RBM26: variants seen among roughly 807,000 people sequenced by gnomAD.
RBM26 encodes RNA-binding protein 26.
RBM26 carries 30 observed loss-of-function variants against 123.6 expected under a neutral mutation model. That is an observed-to-expected ratio of 0.24 (90% CI 0.18 to 0.33). The LOEUF is 0.33. Among genes scored for constraint, RBM26 ranks in the 10% least tolerant of loss-of-function variants. RBM26 has a pLI of 1.00. For synonymous variants in RBM26, 400 were observed against 404.4 expected, an observed-to-expected ratio of 0.99 and a Z score of 0.13; for missense variants, 947 against 1,203.6, an observed-to-expected ratio of 0.79 and a Z score of 3.15.
intron 1 of RBM26, among the ~76,000 whole-genome samples, chr13:79,394,404 T>C (rs2078375362): frequency 6.6e-6 from 1 of 152,180 alleles, no homozygotes; most frequent in African/African-American, 2.4e-5. Flanking sequence ...CTAAGTCCTC[T>C]AGAGGTTACT....
chr13:79,367,127 C>T (rs2075338188), intron 6 of RBM26, among the ~76,000 whole-genome samples: 2 of 152,010 alleles, frequency 1.3e-5, no homozygotes, highest in South Asian at 4.1e-4. Context: ...GACAATCTGG[C>T]TGGACGTGGT....
intron 1 of RBM26, among the ~76,000 whole-genome samples, chr13:79,397,129 C>T (rs574103959): frequency 6.6e-6 from 1 of 151,712 alleles, no homozygotes; most frequent in South Asian, 2.1e-4. Flanking sequence ...TGCAGTGAGT[C>T]GAGATTGCAC....
At position 79,331,318 on chromosome 13, in the gene RBM26, A is replaced by C. The variant is rs369168166; in HGVS notation, c.2820+3026T>G. 1.7e-4 allele frequency among the ~76,000 whole-genome samples: 26 copies of C among 151,894 alleles called. No homozygotes were observed. The South Asian group carries it at 5.2e-3, about 31-fold the overall frequency. ...TGCGCCTGGCCCCTCTTTCCTTTTG[A>C]TATAAAAAATTGTACCTCGCAGCCA... On this transcript the variant is annotated intron_variant, in intron 20 of 21. Coordinates refer to ENST00000438737, the MANE Select transcript of RBM26 (RefSeq NM_001366735.2).
At chr13:79,375,437 C>A (rs1287725986) in intron 3 of RBM26, among the ~76,000 whole-genome samples, 2 of 151,932 alleles carry the variant, frequency 1.3e-5, no homozygotes, top group African/African-American at 4.8e-5. Flanking sequence ...TCCCAAAGTG[C>A]TGGAATTACA....
intron 10 of RBM26, 70 bp from the exon 11 acceptor site, chr13:79,358,503 G>C: frequency 8.1e-7 from 1 of 1,237,534 alleles, no homozygotes; most frequent in Non-Finnish European, 1.1e-6. Context: ...AGGGAATAAA[G>C]TTTAACAAAA....
At chr13:79,403,421 A>C (rs2079220744) in intron 1 of RBM26, among the ~76,000 whole-genome samples, 1 of 152,190 alleles carries the variant, frequency 6.6e-6, no homozygotes, top group Admixed American at 6.5e-5. Context: ...GAAAAATTAC[A>C]AGCATACACT....
intron 7 of RBM26, 51 bp from the exon 8 acceptor site, chr13:79,366,246 C>G: frequency 6.4e-7 from 1 of 1,569,282 alleles, no homozygotes; most frequent in Non-Finnish European, 8.7e-7. Context: ...ACAAATAAAA[C>G]AAGTTATTGC....
chr13:79,372,010 G>A, intron 3 of RBM26, 80 bp from the exon 4 acceptor site: 1 of 1,038,980 alleles, frequency 9.6e-7, no homozygotes, highest in South Asian at 1.4e-5. Flanking sequence ...GCTGGGCACA[G>A]TGGTTCATGC....
At chr13:79,326,030 T>TA (rs2068356019) in intron 20 of RBM26, among the ~76,000 whole-genome samples, 1 of 152,326 alleles carries the variant, frequency 6.6e-6, no homozygotes, top group Non-Finnish European at 1.5e-5. Context: ...CAACGGGCTA[T>TA]ATACCATAGA....
chr13:79,394,939 G>C (rs745836558), intron 1 of RBM26, among the ~76,000 whole-genome samples: 3 of 152,114 alleles, frequency 2.0e-5, no homozygotes, highest in Non-Finnish European at 4.4e-5. Flanking sequence ...CAGCCCCAAA[G>C]GGAAAATTCT....
intron 7 of RBM26, 70 bp downstream of exon 7, chr13:79,366,563 A>G: frequency 7.1e-7 from 1 of 1,411,908 alleles, no homozygotes; most frequent in Non-Finnish European, 9.5e-7. Context: ...TTAATTTAAG[A>G]ATCTATTAAG....
chr13:79,337,351 C>A, intron 18 of RBM26, 49 bp from the exon 19 acceptor site: 1 of 1,598,396 alleles, frequency 6.3e-7, no homozygotes, highest in East Asian at 2.2e-5. Flanking sequence ...ATTACTAACA[C>A]AAGCCAAGCA....
rs537215581 is a variant in RBM26, at chr13:79,366,844, C to T, written c.924G>A (p.Met308Ile). 6.8e-6 allele frequency: 11 copies of T among 1,610,002 alleles called. No individual in the cohort carries two copies. The highest frequency in any genetic ancestry group is 2.7e-5 in the African/African-American group (2 of 74,902). Reference sequence around the variant, plus strand: ...GATCACTTCCATGATCAAAAGGACACATGTCTCCTCTCATACAAAAACCCT... The same window carrying T: ...GATCACTTCCATGATCAAAAGGACATATGTCTCCTCTCATACAAAAACCCT... ...DEKGFCMRGD[M>I]CPFDHGSDPV... Residue 308 changes from methionine (M) to isoleucine (I), a missense_variant, in exon 7 of 22, where the codon ATG becomes ATA. Physicochemically the swap from Met to Ile is conservative, Grantham distance 10. Around this residue, in one of 5 missense-constraint regions of RBM26, gnomAD observed 11 missense variants for 44.5 expected, o/e 0.25. Transcript: ENST00000438737.
At chr13:79,403,688 C>T (rs1000809300) in intron 1 of RBM26, among the ~76,000 whole-genome samples, 5 of 152,170 alleles carry the variant, frequency 3.3e-5, no homozygotes, top group African/African-American at 1.2e-4. Flanking sequence ...TATCATACAG[C>T]TGGTAAGTGG....
At chr13:79,372,397 A>G (rs2075990118) in intron 3 of RBM26, among the ~76,000 whole-genome samples, 1 of 152,134 alleles carries the variant, frequency 6.6e-6, no homozygotes, top group African/African-American at 2.4e-5. Flanking sequence ...ATTAGTTTAT[A>G]TAACGTAGAA....
intron 2 of RBM26, among the ~76,000 whole-genome samples, chr13:79,377,794 G>C (rs1740088520): frequency 6.6e-6 from 1 of 152,100 alleles, no homozygotes; most frequent in African/African-American, 2.4e-5. Context: ...TGTAATTCCA[G>C]ATACTAGGGA....
intron 14 of RBM26, among the ~76,000 whole-genome samples, chr13:79,349,545 T>C (rs1489209004): frequency 1.3e-5 from 2 of 152,002 alleles, no homozygotes; most frequent in Non-Finnish European, 2.9e-5. Context: ...GCTTAGTTAC[T>C]ACAAAGTTCA....
At chr13:79,355,850 T>G (rs1358770350) in intron 11 of RBM26, among the ~76,000 whole-genome samples, 2 of 112,842 alleles carry the variant, frequency 1.8e-5, no homozygotes, top group African/African-American at 7.1e-5. Context: ...ACAAGAAAAT[T>G]TAAGAACAAA....
At chr13:79,324,531 C>T (rs1295874771) in intron 20 of RBM26, among the ~76,000 whole-genome samples, 1 of 151,626 alleles carries the variant, frequency 6.6e-6, no homozygotes, top group Non-Finnish European at 1.5e-5. Context: ...AAAATATTTT[C>T]CCCGATTGGA....
Sources: gnomAD v4.1 joint callset for allele counts (sites outside exome capture counted in the v4.1 genomes callset) on GRCh38, gnomAD v4.1.1 for gene constraint, gnomAD v4.1.1 regional missense constraint, MANE v1.5 for transcripts, NCBI Gene and HGNC (gene_info 2026-07-23, HGNC 2026-07-21) for gene names.